Variants in IQSEC1 observed in about 807,000 individuals in gnomAD.
IQSEC1 encodes IQ motif and Sec7 domain ArfGEF 1.
In IQSEC1, 31 loss-of-function variants were observed where a neutral mutation model predicts 91.0. That is an observed-to-expected ratio of 0.34 (90% CI 0.26 to 0.46). The LOEUF is 0.46. IQSEC1 is among the 20% of genes least tolerant of loss of function. The probability of loss-of-function intolerance (pLI) is 1.00; values close to 1 mark genes in which losing one functional copy is unlikely to be tolerated. For missense variants in IQSEC1, 1,388 were observed against 1,575.6 expected, an observed-to-expected ratio of 0.88 and a Z score of 2.02; for synonymous variants, 699 against 662.6, an observed-to-expected ratio of 1.05 and a Z score of -0.84.
chr3:12,936,059 C>A lies in IQSEC1; in HGVS notation c.957G>T (p.Arg319=). Residue 319 remains arginine (R), a synonymous_variant, in exon 3 of 14, where the codon CGG becomes CGT. Coordinates refer to ENST00000613206, the MANE Select transcript of IQSEC1 (RefSeq NM_001134382.3). ...DRPSSTESDL[R]LRAGGAAPDY... is the part of the protein sequence containing the mutation. ...CTGGGGCTGCGCCCCCAGCCCGTAG[C>A]CGCAGGTCCGACTCGGTGCTGGACG... The A allele has an allele frequency of 6.2e-7, 1 of 1,606,524 alleles. No individual in the cohort carries two copies.
chr3:13,156,947 G>C (rs1361893578), intron 2 of IQSEC1, among the ~76,000 whole-genome samples: 1 of 152,172 alleles, frequency 6.6e-6, no homozygotes, highest in East Asian at 1.9e-4. Context: ...AGGAGAGAAT[G>C]GAGAGTCAGA....
chr3:13,099,174 T>G (rs1423018420), intron 2 of IQSEC1, among the ~76,000 whole-genome samples: 1 of 151,956 alleles, frequency 6.6e-6, no homozygotes, highest in Non-Finnish European at 1.5e-5. Flanking sequence ...CACCACTGAG[T>G]GTAGCCCTGG....
intron 1 of IQSEC1, among the ~76,000 whole-genome samples, chr3:13,256,205 G>GT (rs1242480428): frequency 6.6e-6 from 1 of 152,174 alleles, no homozygotes; most frequent in Non-Finnish European, 1.5e-5. Context: ...ACGGATAGTG[G>GT]TGACGGTGAC....
rs59334865 is a variant in IQSEC1 at position 13,157,790 on chromosome 3, G to T, written c.302+6314C>A. ...GTCTCCACAGACTGTGGCAGAGGGAGAAGAAAGGAAATGGATGTTAACTGA... is the reference window on the plus strand; with the variant it reads ...GTCTCCACAGACTGTGGCAGAGGGATAAGAAAGGAAATGGATGTTAACTGA... On this transcript the variant is annotated intron_variant, in intron 2 of 15. Transcript: ENST00000648114. Among the ~76,000 whole-genome samples, 865 of 152,360 alleles carry T rather than the reference G, an allele frequency of 5.7e-3. 8 individuals are homozygous for T. The highest frequency in any genetic ancestry group is 0.019 in the African/African-American group (802 of 41,580).
At chr3:13,052,819 G>A (rs948390261) in intron 1 of IQSEC1, 8 of 572,826 alleles carry the variant, frequency 1.4e-5, no homozygotes, top group East Asian at 5.8e-5. Context: ...GCCAACCAAC[G>A]CGTTCATAAC....
At chr3:13,038,258 G>GTATATA (rs1354129185) in intron 1 of IQSEC1, among the ~76,000 whole-genome samples, 695 of 50,952 alleles carry the variant, frequency 0.014, 3 homozygotes, top group Non-Finnish European at 0.02. Flanking sequence ...ATGTGTGTGT[G>GTATATA]TGTGTATATA....
At chr3:13,168,561 C>T (rs1425070900) in intron 1 of IQSEC1, among the ~76,000 whole-genome samples, 1 of 152,206 alleles carries the variant, frequency 6.6e-6, no homozygotes, top group African/African-American at 2.4e-5. Context: ...AAACTCCACA[C>T]ACAGCCCACA....
chr3:13,181,085 C>T (rs561047570), intron 1 of IQSEC1, among the ~76,000 whole-genome samples: 155 of 152,240 alleles, frequency 1.0e-3, no homozygotes, highest in African/African-American at 3.4e-3. Flanking sequence ...TCGTGGCTAA[C>T]GCGGTGAAAC....
chr3:13,147,057 A>T (rs967588646), intron 2 of IQSEC1, among the ~76,000 whole-genome samples: 2 of 152,186 alleles, frequency 1.3e-5, no homozygotes, highest in African/African-American at 4.8e-5. Context: ...AGCTGGGAGT[A>T]TGGTACCTCC....
At chr3:13,255,869 A>G in intron 1 of IQSEC1, among the ~76,000 whole-genome samples, 1 of 152,200 alleles carries the variant, frequency 6.6e-6, no homozygotes, top group East Asian at 1.9e-4. Flanking sequence ...CTCTTAAACC[A>G]GGGGTTCCAA....
intron 2 of IQSEC1, among the ~76,000 whole-genome samples, chr3:12,939,487 CTG>C (rs1475785382): frequency 1.3e-5 from 2 of 152,234 alleles, no homozygotes; most frequent in African/African-American, 4.8e-5. Flanking sequence ...AAAATGGACT[CTG>C]TGTTATCCAG....
chr3:13,155,005 T>G (rs1263526744), intron 2 of IQSEC1, among the ~76,000 whole-genome samples: 1 of 152,060 alleles, frequency 6.6e-6, no homozygotes, highest in Non-Finnish European at 1.5e-5. Flanking sequence ...AGGAGGAAAT[T>G]TATAGCTTGA....
chr3:13,272,945 C>T (rs1695613839), intron 1 of IQSEC1, among the ~76,000 whole-genome samples: 1 of 152,318 alleles, frequency 6.6e-6, no homozygotes, highest in Non-Finnish European at 1.5e-5. Context: ...ACCCAAGTCA[C>T]CTGATTCTAA....
intron 1 of IQSEC1, among the ~76,000 whole-genome samples, chr3:13,066,612 G>A (rs781219480): frequency 2.6e-5 from 4 of 152,258 alleles, no homozygotes; most frequent in Non-Finnish European, 4.4e-5. Context: ...TTGTGGGATC[G>A]TGGGAGGCCA....
At chr3:13,107,145 GA>G (rs1706164308) in intron 2 of IQSEC1, among the ~76,000 whole-genome samples, 1 of 152,222 alleles carries the variant, frequency 6.6e-6, no homozygotes, top group Non-Finnish European at 1.5e-5. Flanking sequence ...GACCACCAGG[GA>G]CAGAAACCTG....
intron 1 of IQSEC1, among the ~76,000 whole-genome samples, chr3:13,222,513 T>C (rs1159832482): frequency 9.2e-5 from 14 of 152,106 alleles, no homozygotes; most frequent in African/African-American, 3.4e-4. Flanking sequence ...ATATGGGAAT[T>C]GTATTGTATG....
intron 1 of IQSEC1, among the ~76,000 whole-genome samples, chr3:13,017,170 T>C (rs1703174327): frequency 7.5e-6 from 1 of 133,270 alleles, no homozygotes; most frequent in African/African-American, 3.0e-5. Context: ...CCCCAGGCCA[T>C]GTGGCTCCCT....
intron 2 of IQSEC1, among the ~76,000 whole-genome samples, chr3:13,114,050 C>T (rs958937113): frequency 6.6e-6 from 1 of 152,238 alleles, no homozygotes; most frequent in African/African-American, 2.4e-5. Flanking sequence ...AGCGTGTGCA[C>T]ACACTGTTGA....
At chr3:13,206,176 C>G (rs1412642253) in intron 1 of IQSEC1, among the ~76,000 whole-genome samples, 1 of 147,322 alleles carries the variant, frequency 6.8e-6, no homozygotes, top group African/African-American at 2.5e-5. Context: ...CACCCATCCA[C>G]CCCTCCATCC....
Sources: allele counts gnomAD v4.1 joint callset (sites outside exome capture counted in the v4.1 genomes callset), GRCh38; gene constraint gnomAD v4.1.1; transcripts MANE v1.5; gene names NCBI Gene and HGNC (gene_info 2026-07-23, HGNC 2026-07-21).